IQSEC3: variants seen among roughly 807,000 people sequenced by gnomAD.
IQSEC3 encodes the protein IQ motif and SEC7 domain-containing protein 3.
IQSEC3 carries 50 observed loss-of-function variants against 105.4 expected under a neutral mutation model. The observed-to-expected ratio is 0.47, with a 90% CI of 0.38 to 0.60. IQSEC3 has a LOEUF of 0.60. Among genes scored for constraint, IQSEC3 ranks in the 20% least tolerant of loss-of-function variants. The probability of loss-of-function intolerance (pLI) is 0.00; values close to 1 mark genes in which losing one functional copy is unlikely to be tolerated. For missense variants in IQSEC3, 1,415 were observed against 1,630.0 expected (o/e 0.87, Z 2.27); for synonymous variants, 708 against 746.0 (o/e 0.95, Z 0.83).
intron 3 of IQSEC3, among the ~76,000 whole-genome samples, chr12:126,804 T>C (rs1214107471): frequency 6.6e-6 from 1 of 152,206 alleles, no homozygotes; most frequent in East Asian, 1.9e-4. Context: ...TAGAGAACAA[T>C]TCTTCAACCC....
intron 2 of IQSEC3, among the ~76,000 whole-genome samples, chr12:105,069 T>G (rs1159947579): frequency 1.3e-5 from 2 of 152,126 alleles, no homozygotes; most frequent in Non-Finnish European, 2.9e-5. Flanking sequence ...GCGTCCTCTT[T>G]CCCTAGAAAA....
In IQSEC3 at chr12:98,232, C is replaced by T. The variant is rs550356397; in HGVS notation, c.555-914C>T. ...TATTGAATCCCAGGTTGGCTCAAAG[C>T]GGATATTGGAATCACAGCATTTTAG... is the stretch of plus-strand genomic sequence containing the variant. On this transcript the variant is annotated intron_variant, in intron 1 of 13. Transcript: ENST00000538872. 2.2e-4 allele frequency among the ~76,000 whole-genome samples: 34 copies of T among 152,220 alleles called. No individual in the cohort carries two copies. In the South Asian group the frequency reaches 2.3e-3, roughly 10 times the overall value.
At chr12:115,171 C>T (rs10849565) in intron 2 of IQSEC3, among the ~76,000 whole-genome samples, 25,650 of 152,196 alleles carry the variant, frequency 0.17, 2,772 homozygotes, top group East Asian at 0.32. Flanking sequence ...TCTTGGGTCA[C>T]AAGACTCCTG....
chr12:162,157 CTT>C, intron 8 of IQSEC3, 92 bp downstream of exon 8: 1 of 1,404,204 alleles, frequency 7.1e-7, no homozygotes, highest in Non-Finnish European at 9.8e-7. Flanking sequence ...TTCCAAAACT[CTT>C]TTTTCATATT....
At chr12:121,427 T>A (rs1865214221) in intron 2 of IQSEC3, among the ~76,000 whole-genome samples, 1 of 152,144 alleles carries the variant, frequency 6.6e-6, no homozygotes, top group Non-Finnish European at 1.5e-5. Context: ...AGAGAGGGTG[T>A]AAGGACTCAG....
intron 13 of IQSEC3, among the ~76,000 whole-genome samples, chr12:172,469 C>A (rs887375151): frequency 3.3e-5 from 5 of 152,170 alleles, no homozygotes; most frequent in Admixed American, 1.3e-4. Context: ...GACAACCAAC[C>A]CCACGCACTC....
At chr12:159,834 ACT>A (rs1866823108) in intron 7 of IQSEC3, among the ~76,000 whole-genome samples, 1 of 151,382 alleles carries the variant, frequency 6.6e-6, no homozygotes, top group South Asian at 2.1e-4. Flanking sequence ...ATTTCTCTGG[ACT>A]CTCTTTCTTG....
chr12:131,902 A>G (rs1865613972), intron 3 of IQSEC3, among the ~76,000 whole-genome samples: 2 of 152,214 alleles, frequency 1.3e-5, no homozygotes, highest in Non-Finnish European at 2.9e-5. Context: ...AGTGTTATTC[A>G]GGGAGCAGTT....
chr12:93,698 C>T (rs1170734565), intron 1 of IQSEC3, among the ~76,000 whole-genome samples: 1 of 152,164 alleles, frequency 6.6e-6, no homozygotes, highest in African/African-American at 2.4e-5. Context: ...ATGTTTGTCC[C>T]CTCCAAACCT....
intron 3 of IQSEC3, among the ~76,000 whole-genome samples, chr12:131,040 C>CGT (rs1865579081): frequency 2.1e-5 from 1 of 46,918 alleles, no homozygotes. Flanking sequence ...ACCTGGCCCC[C>CGT]GCTCCTCAGC....
chr12:144,859 CAG>C lies in IQSEC3; in HGVS notation c.2153+3577_2153+3578del, dbSNP rs545284880. Among the ~76,000 whole-genome samples the C allele has an allele frequency of 1.2e-3, 179 of 152,242 alleles. 1 individual carries two copies. Among genetic ancestry groups the C allele is most frequent in the Non-Finnish European group, 2.1e-3 (141 of 68,040 alleles). On this transcript the variant is annotated intron_variant, in intron 5 of 13. Transcript: ENST00000538872. ...GGTTTCGCTTTTGGTTTTTTTGAGA[CAG>C]AGTCTTGCTCTGTTGCCTGGAGTGC...
intron 2 of IQSEC3, among the ~76,000 whole-genome samples, chr12:110,104 C>G (rs954403920): frequency 6.6e-6 from 1 of 152,262 alleles, no homozygotes; most frequent in Admixed American, 6.5e-5. Context: ...CTTTCTCTCT[C>G]TGGCCCTCTA....
At chr12:71,826 T>C (rs1164867796) in intron 1 of IQSEC3, among the ~76,000 whole-genome samples, 1 of 152,274 alleles carries the variant, frequency 6.6e-6, no homozygotes, top group Non-Finnish European at 1.5e-5. Context: ...CCTCTTGTTC[T>C]TCCCCTATCC....
At chr12:136,593 G>A (rs905048577) in intron 3 of IQSEC3, among the ~76,000 whole-genome samples, 1 of 152,088 alleles carries the variant, frequency 6.6e-6, no homozygotes, top group Admixed American at 6.5e-5. Context: ...AGAACAATCT[G>A]TACCCTCCCC....
chr12:108,053 C>G (rs1201323024), intron 2 of IQSEC3, among the ~76,000 whole-genome samples: 1 of 152,198 alleles, frequency 6.6e-6, no homozygotes, highest in African/African-American at 2.4e-5. Context: ...ACTTCTACCT[C>G]CAGGGAGGCT....
chr12:168,844 T>G, intron 11 of IQSEC3, 169 bp from the exon 12 acceptor site: 1 of 636,302 alleles, frequency 1.6e-6, no homozygotes. Context: ...CGAGGGGGTA[T>G]TTAACTTGCT....
At chr12:134,925 A>G (rs1182881896) in intron 3 of IQSEC3, among the ~76,000 whole-genome samples, 1 of 152,138 alleles carries the variant, frequency 6.6e-6, no homozygotes, top group Non-Finnish European at 1.5e-5. Flanking sequence ...CCAGGAGTTC[A>G]AGTCCAGCCT....
At chr12:93,826 C>G (rs1555074145) in intron 1 of IQSEC3, among the ~76,000 whole-genome samples, 1 of 152,090 alleles carries the variant, frequency 6.6e-6, no homozygotes, top group African/African-American at 2.4e-5. Context: ...GGGTGAGTGA[C>G]TTCTCACTCT....
At position 151,404 on chromosome 12, in the gene IQSEC3, G is replaced by A. The variant is rs116919213; in HGVS notation, c.2154-5621G>A. ...ACTTCCCACATTCCCTGCACCTCGA[G>A]TCCCATCTGTTCTTCCTCTAAGATG... On this transcript the variant is annotated intron_variant, in intron 5 of 13. Transcript: ENST00000538872. Among the ~76,000 whole-genome samples, 884 of 152,274 alleles carry A rather than the reference G, an allele frequency of 5.8e-3. 9 individuals are homozygous for A. The highest frequency in any genetic ancestry group is 0.051 in the Middle Eastern group (15 of 294).
Sources: allele counts gnomAD v4.1 joint callset (sites outside exome capture counted in the v4.1 genomes callset), GRCh38; gene constraint gnomAD v4.1.1; transcripts MANE v1.5; gene names NCBI Gene and HGNC (gene_info 2026-07-23, HGNC 2026-07-21).